Variants in BMAL1 observed in about 807,000 individuals in gnomAD.
The protein encoded by BMAL1 is basic helix-loop-helix ARNT like 1, also known as basic helix-loop-helix ARNT-like protein 1.
chr11:13,378,532 A>T, the BMAL1 span: 4 of 1,537,128 alleles, frequency 2.6e-6, no homozygotes, highest in South Asian at 3.6e-5. Context: ...TTGCAATGTC[A>T]GGAGACATTT....
chr11:13,286,716 A>C, the BMAL1 span, among the ~76,000 whole-genome samples: 2 of 152,184 alleles, frequency 1.3e-5, no homozygotes, highest in Non-Finnish European at 2.9e-5. Flanking sequence ...AGTTGAAAGA[A>C]ATTTTGTCCC....
chr11:13,374,277 G>T, the BMAL1 span: 2 of 1,362,674 alleles, frequency 1.5e-6, no homozygotes, highest in African/African-American at 1.4e-5. Flanking sequence ...GACCTTCCAG[G>T]GAAATCTGTC....
chr11:13,362,887 T>G, the BMAL1 span, among the ~76,000 whole-genome samples: 1 of 152,114 alleles, frequency 6.6e-6, no homozygotes, highest in Non-Finnish European at 1.5e-5. Flanking sequence ...ATTTTCATTT[T>G]GTACTGGGCC....
the BMAL1 span, among the ~76,000 whole-genome samples, chr11:13,337,604 C>T: frequency 1.2e-4 from 19 of 152,234 alleles, no homozygotes; most frequent in African/African-American, 4.1e-4. Flanking sequence ...TTCACTAATA[C>T]TGGTATTATC....
chr11:13,287,975 C>T, the BMAL1 span, among the ~76,000 whole-genome samples: 25 of 152,160 alleles, frequency 1.6e-4, no homozygotes, highest in Non-Finnish European at 3.1e-4. Flanking sequence ...TGTGGAACAT[C>T]TTTATGAGCA....
chr11:13,285,527 C>T, the BMAL1 span, among the ~76,000 whole-genome samples: 19 of 152,244 alleles, frequency 1.2e-4, no homozygotes, highest in South Asian at 3.9e-3. Context: ...GGGGAGACCT[C>T]TCTGAGGAGG....
the BMAL1 span, among the ~76,000 whole-genome samples, chr11:13,350,925 A>C: frequency 2.6e-5 from 4 of 152,192 alleles, no homozygotes; most frequent in Admixed American, 2.0e-4. Context: ...TTAGTATACA[A>C]ATTTATTCGT....
the BMAL1 span, among the ~76,000 whole-genome samples, chr11:13,280,026 T>C: frequency 6.6e-6 from 1 of 152,222 alleles, no homozygotes; most frequent in Non-Finnish European, 1.5e-5. Context: ...TTGCCTCTGA[T>C]GGAAAGTAAG....
At chr11:13,355,373 T>A in the BMAL1 span, 1 of 1,364,420 alleles carries the variant, frequency 7.3e-7, no homozygotes, top group Non-Finnish European at 1.0e-6. Flanking sequence ...AGGGCGTTCT[T>A]CCATAGCAGT....
At chr11:13,286,685 G>C in the BMAL1 span, among the ~76,000 whole-genome samples, 9 of 152,282 alleles carry the variant, frequency 5.9e-5, no homozygotes, top group East Asian at 1.7e-3. Context: ...CCTTGATTTT[G>C]ATCTGCTATC....
At chr11:13,286,219 C>A in the BMAL1 span, among the ~76,000 whole-genome samples, 134 of 152,326 alleles carry the variant, frequency 8.8e-4, no homozygotes, top group Middle Eastern at 3.4e-3. Context: ...AGCATTGTAC[C>A]TCATTTGCTG....
chr11:13,290,617 AC>A, the BMAL1 span, among the ~76,000 whole-genome samples: 1 of 151,776 alleles, frequency 6.6e-6, no homozygotes, highest in African/African-American at 2.4e-5. Context: ...AACCTTGACT[AC>A]CTACCATATG....
chr11:13,344,600 C>G, the BMAL1 span, among the ~76,000 whole-genome samples: 30 of 152,196 alleles, frequency 2.0e-4, no homozygotes, highest in Non-Finnish European at 3.7e-4. Flanking sequence ...ACACCTGTTA[C>G]CTTAGGTTCA....
chr11:13,285,604 T>C, the BMAL1 span, among the ~76,000 whole-genome samples: 5 of 152,110 alleles, frequency 3.3e-5, no homozygotes, highest in Non-Finnish European at 5.9e-5. Flanking sequence ...ACAGCACATG[T>C]AAAGGCCCTG....
chr11:13,322,608 T>C, the BMAL1 span, among the ~76,000 whole-genome samples: 3 of 151,938 alleles, frequency 2.0e-5, no homozygotes, highest in African/African-American at 7.3e-5. Context: ...TGGAGAGAAA[T>C]AGAGTCACTG....
the BMAL1 span, among the ~76,000 whole-genome samples, chr11:13,326,848 C>G: frequency 6.6e-6 from 1 of 151,580 alleles, no homozygotes; most frequent in South Asian, 2.1e-4. Context: ...GAGACAGAGT[C>G]TCGCTCTGTC....
the BMAL1 span, among the ~76,000 whole-genome samples, chr11:13,330,846 C>T: frequency 6.6e-6 from 1 of 152,220 alleles, no homozygotes; most frequent in African/African-American, 2.4e-5. Context: ...TGTGATATCT[C>T]GCTGAGCCTA....
chr11:13,386,490 C>T, the BMAL1 span: 8 of 1,203,108 alleles, frequency 6.6e-6, no homozygotes, highest in Non-Finnish European at 9.1e-6. Flanking sequence ...TCTCACCCTA[C>T]CATTAAATGT....
the BMAL1 span, among the ~76,000 whole-genome samples, chr11:13,337,424 A>G: frequency 2.6e-5 from 4 of 152,218 alleles, no homozygotes; most frequent in Admixed American, 2.6e-4. Context: ...ATATCTATTT[A>G]TATCTATTGA....
Sources: allele counts gnomAD v4.1 joint callset (sites outside exome capture counted in the v4.1 genomes callset), GRCh38; gene constraint gnomAD v4.1.1; transcripts MANE v1.5; gene names NCBI Gene and HGNC (gene_info 2026-07-23, HGNC 2026-07-21).